The following ZZZ3 variants were observed in gnomAD, a reference collection of about 807,000 sequenced individuals.
ZZZ3 encodes the protein ZZ-type zinc finger-containing protein 3.
Under a neutral mutation model 95.2 loss-of-function variants are expected in ZZZ3, and 22 were observed. That is an observed-to-expected ratio of 0.23 (90% CI 0.17 to 0.33). The LOEUF (loss-of-function observed/expected upper bound fraction) is 0.33. Among genes scored for constraint, ZZZ3 ranks in the 10% least tolerant of loss-of-function variants. The pLI is 1.00. For missense variants in ZZZ3, 885 were observed against 1,066.5 expected, an observed-to-expected ratio of 0.83 and a Z score of 2.37; for synonymous variants, 335 against 358.9, an observed-to-expected ratio of 0.93 and a Z score of 0.75.
intron 1 of ZZZ3, among the ~76,000 whole-genome samples, chr1:77,670,721 T>C (rs892537295): frequency 1.8e-4 from 27 of 150,920 alleles, no homozygotes; most frequent in African/African-American, 5.6e-4. Flanking sequence ...ACTGGAGTAG[T>C]AGTAGTGTTT....
In ZZZ3 at chr1:77,568,641, C is replaced by CTT. The variant is rs11355685; in HGVS notation, c.2332-177_2332-176dup. ...AGTATTTTCCACTAATGCTTTTGGA[C>CTT]TTTTTTTTTTTTTTTTTTTTAACAC... On this transcript the variant is annotated intron_variant, in intron 12 of 14. Transcript: ENST00000370801. 9.5e-5 allele frequency among the ~76,000 whole-genome samples: 12 copies of CTT among 125,828 alleles called. No homozygotes were observed. In the South Asian group the frequency reaches 1.5e-3, roughly 16 times the overall value. 82.5% of individuals were successfully genotyped at this position (125,828 alleles called of 152,430 possible).
rs142311166 is a variant in ZZZ3, at chr1:77,573,160, C to A, written c.2331+2908G>T. Among the ~76,000 whole-genome samples, 7 of 152,138 alleles carry A rather than the reference C, an allele frequency of 4.6e-5. No individual in the cohort carries two copies. In the East Asian group the frequency reaches 1.4e-3, roughly 29 times the overall value. ...GGAGCTGGAGTTTTTGCCCTTGTTGCCCAGGCTGGAGTGCAGTGGTGCAAT... is the reference window on the plus strand; with the variant it reads ...GGAGCTGGAGTTTTTGCCCTTGTTGACCAGGCTGGAGTGCAGTGGTGCAAT... On this transcript the variant is annotated intron_variant, in intron 12 of 14. Transcript: ENST00000370801.
intron 4 of ZZZ3, among the ~76,000 whole-genome samples, chr1:77,633,806 T>C (rs1330067082): frequency 6.6e-6 from 1 of 152,220 alleles, no homozygotes; most frequent in Non-Finnish European, 1.5e-5. Context: ...CCTCACTGTG[T>C]ATCTGCCTCT....
At chr1:77,670,776 T>C (rs1440439901) in intron 1 of ZZZ3, among the ~76,000 whole-genome samples, 1 of 150,416 alleles carries the variant, frequency 6.6e-6, no homozygotes, top group Non-Finnish European at 1.5e-5. Context: ...AAAAACACCC[T>C]GACAAACAGC....
chr1:77,618,261 T>TG (rs1491091388), intron 5 of ZZZ3, among the ~76,000 whole-genome samples: 4 of 121,836 alleles, frequency 3.3e-5, no homozygotes, highest in Admixed American at 9.1e-5. Flanking sequence ...TTTTTTTTTT[T>TG]GTCCAATAAT....
intron 1 of ZZZ3, among the ~76,000 whole-genome samples, chr1:77,646,609 T>A (rs563236624): frequency 6.6e-6 from 1 of 152,290 alleles, no homozygotes; most frequent in South Asian, 2.1e-4. Context: ...CCAAGAGACT[T>A]ATGCTTCTTG....
At chr1:77,660,189 A>T (rs1035540482) in intron 1 of ZZZ3, among the ~76,000 whole-genome samples, 4 of 152,088 alleles carry the variant, frequency 2.6e-5, no homozygotes, top group African/African-American at 9.7e-5. Context: ...GAGGTAAGTT[A>T]CTTCTCCCCT....
At chr1:77,642,603 G>T (rs2100910878) in intron 1 of ZZZ3, among the ~76,000 whole-genome samples, 1 of 144,598 alleles carries the variant, frequency 6.9e-6, no homozygotes, top group Admixed American at 6.9e-5. Context: ...AAAAAAAAAT[G>T]AAAATTAGCC....
intron 5 of ZZZ3, among the ~76,000 whole-genome samples, chr1:77,613,019 T>C (rs986244346): frequency 1.3e-5 from 2 of 152,102 alleles, no homozygotes; most frequent in East Asian, 1.9e-4. Context: ...TTACTACCTA[T>C]ATGTATCCTA....
intron 1 of ZZZ3, among the ~76,000 whole-genome samples, chr1:77,651,740 G>A (rs1669825891): frequency 6.6e-6 from 1 of 152,186 alleles, no homozygotes; most frequent in South Asian, 2.1e-4. Flanking sequence ...AAATGGGGCT[G>A]GGCACGGTGG....
intron 1 of ZZZ3, among the ~76,000 whole-genome samples, chr1:77,679,346 C>T (rs1389255386): frequency 6.6e-6 from 1 of 152,180 alleles, no homozygotes; most frequent in Non-Finnish European, 1.5e-5. Context: ...CACTCTGTTG[C>T]CCAGGCTGGA....
chr1:77,652,150 C>A (rs998627379), intron 1 of ZZZ3, among the ~76,000 whole-genome samples: 21 of 151,948 alleles, frequency 1.4e-4, no homozygotes, highest in Middle Eastern at 3.4e-3. Context: ...AAAATTAAAA[C>A]CTTTTGTGCT....
chr1:77,664,806 A>G (rs923057981), intron 1 of ZZZ3, among the ~76,000 whole-genome samples: 6 of 152,220 alleles, frequency 3.9e-5, no homozygotes, highest in Admixed American at 1.3e-4. Context: ...TCCTTCTAAC[A>G]GTATTTAAGA....
rs115844473 is a variant in ZZZ3 at position 77,662,434 on chromosome 1, G to A, written c.-403+20151C>T. On this transcript the variant is annotated intron_variant, in intron 1 of 14. Coordinates refer to ENST00000370801, the MANE Select transcript of ZZZ3 (RefSeq NM_015534.6). ...GCTGGGATTACAGGCATAAACCAAT[G>A]CACCTCACCCAACAGGTATTTTTAA... 3.0e-3 allele frequency among the ~76,000 whole-genome samples: 460 copies of A among 152,116 alleles called. 2 individuals carry two copies. Among genetic ancestry groups the A allele is most frequent in the African/African-American group, 0.011 (442 of 41,508 alleles).
At position 77,563,301 on chromosome 1, in the gene ZZZ3, AG is replaced by A. The variant is rs1660569765; in HGVS notation, c.*2338del. 1 of 152,236 alleles carries A rather than the reference AG, an allele frequency of 6.6e-6. No homozygotes were observed. Among genetic ancestry groups the A allele is most frequent in the Non-Finnish European group, 1.5e-5 (1 of 68,044 alleles). 9.4% of individuals were successfully genotyped at this position (152,236 alleles called of 1,614,324 possible). On this transcript the variant is annotated 3_prime_UTR_variant, in exon 15 of 15. Transcript: ENST00000370801. ...CAATAATTCTATGTAGGCAGATGGTAGCCTACCGGCAAATGACAGCTCTGCC... is the reference window on the plus strand; with the variant it reads ...CAATAATTCTATGTAGGCAGATGGTACCTACCGGCAAATGACAGCTCTGCC...
chr1:77,627,259 C>T (rs915469962), intron 5 of ZZZ3, among the ~76,000 whole-genome samples: 1 of 152,232 alleles, frequency 6.6e-6, no homozygotes, highest in African/African-American at 2.4e-5. Flanking sequence ...GACTGTATAA[C>T]GGTGCCTATC....
In ZZZ3 at chr1:77,633,211, T is replaced by A. The variant is rs376044630; in HGVS notation, c.144A>T (p.Arg48Ser). 1 of 1,614,150 alleles carries A rather than the reference T, an allele frequency of 6.2e-7. No homozygotes were observed. The highest frequency in any genetic ancestry group is 8.5e-7 in the Non-Finnish European group (1 of 1,179,996). ...EISSNSQVRSRSPKKRPEPVP... is the reference protein window; with the variant it reads ...EISSNSQVRSSSPKKRPEPVP... Reference sequence around the variant, plus strand: ...CAGGCTCTGGTCTCTTCTTTGGTGATCTTGATCGTACTTGAGAATTAGAAG... The same window carrying A: ...CAGGCTCTGGTCTCTTCTTTGGTGAACTTGATCGTACTTGAGAATTAGAAG... Residue 48 changes from arginine (R) to serine (S), a missense_variant, in exon 5 of 15, where the codon AGA becomes AGT. Arg to Ser is a moderately radical substitution (Grantham distance 110). This residue lies in a region of ZZZ3 where 556 missense variants were observed against 652.9 expected (regional missense o/e 0.85). Transcript: ENST00000370801.
intron 1 of ZZZ3, among the ~76,000 whole-genome samples, chr1:77,675,656 C>A (rs1672194248): frequency 2.6e-5 from 4 of 151,832 alleles, no homozygotes; most frequent in Admixed American, 2.6e-4. Flanking sequence ...TTAAATCTGG[C>A]TTTTCTTACT....
Position 77,632,953 on chromosome 1 carries a change from ATCT to A in ZZZ3, c.399_401del (p.Glu133del). On this transcript the variant is annotated inframe_deletion, in exon 5 of 15. Transcript: ENST00000370801. ...ACTCCTTGTCTGATTTTATAGGAGA[ATCT>A]TCTTCTGAACTGTTTGGTGCTTCAG... 1 of 1,614,150 alleles carries A rather than the reference ATCT, an allele frequency of 6.2e-7. No homozygotes were observed.
Sources: allele counts gnomAD v4.1 joint callset (sites outside exome capture counted in the v4.1 genomes callset), GRCh38; gene constraint gnomAD v4.1.1; regional missense constraint gnomAD v4.1.1; transcripts MANE v1.5; gene names NCBI Gene and HGNC (gene_info 2026-07-23, HGNC 2026-07-21).